The following MEGF8 variants were observed in gnomAD, a reference collection of about 807,000 sequenced individuals.
MEGF8 encodes multiple epidermal growth factor-like domains protein 8.
MEGF8 carries 156 observed loss-of-function variants against 302.9 expected under a neutral mutation model. The ratio of observed to expected loss-of-function variants is 0.52; its 90% confidence interval spans 0.45 to 0.59. The LOEUF (loss-of-function observed/expected upper bound fraction) is 0.59, where lower values mean the gene tolerates loss of function less well. Among genes scored for constraint, MEGF8 ranks in the 20% least tolerant of loss-of-function variants. MEGF8 has a pLI of 0.00. For synonymous variants in MEGF8, 1,621 were observed against 1,660.5 expected (o/e 0.98, Z 0.58); for missense variants, 3,345 against 3,964.5 (o/e 0.84, Z 4.20).
Position 42,363,122 on chromosome 19 carries a change from TCC to T in MEGF8, c.6137_6138del (p.Pro2046HisfsTer28). 6.2e-7 allele frequency: 1 copy of T among 1,613,130 alleles called. No homozygotes were observed. The highest frequency in any genetic ancestry group is 1.1e-5 in the South Asian group (1 of 90,944). On this transcript the variant is annotated frameshift_variant, in exon 35 of 42. Coordinates refer to ENST00000251268, the MANE Select transcript of MEGF8 (RefSeq NM_001271938.2). LOFTEE classifies it high-confidence loss of function. Reference sequence around the variant, plus strand: ...CTTCAGCCACTCTCTGCTGAATGTGTCCCCCATGCCGGTGGAATCATCACCCC... The same window carrying T: ...CTTCAGCCACTCTCTGCTGAATGTGTCCCATGCCGGTGGAATCATCACCCC... ...TCFSHSLLNV[S>X]PMPVESSPPL...
Position 42,348,403 on chromosome 19 carries a change from C to T in MEGF8, c.2229C>T (p.Ala743=), listed in dbSNP as rs758843393. 26 of 1,536,804 alleles carry T rather than the reference C, an allele frequency of 1.7e-5. No individual in the cohort carries two copies. In the East Asian group the frequency reaches 1.7e-4, roughly 10 times the overall value. The change falls in exon 13 of 42, where the codon GCC becomes GCT. Residue 743 remains alanine, a synonymous_variant. Transcript: ENST00000251268. ...GPGGPGAEDV[A]VWTRAQRLHV... The stretch of plus-strand genomic sequence containing the variant: ...GTGGACCAGGGGCTGAGGACGTGGC[C>T]GTGTGGACGCGGGCCCAGCGCCTAC...
Position 42,354,709 on chromosome 19 carries a change from A to C in MEGF8, c.4133A>C (p.Gln1378Pro). The C allele has an allele frequency of 6.2e-7, 1 of 1,605,550 alleles. No homozygotes were observed. The highest frequency in any genetic ancestry group is 1.1e-5 in the South Asian group (1 of 90,980). Reference protein sequence around the residue: ...GQRRDRPLTVQALSGLLVLHW... With the variant: ...GQRRDRPLTVPALSGLLVLHW... ...CGACGGGACAGGCCCCTCACTGTTC[A>C]GGCCCTGTCTGGTACGGGGGCTAGG... Residue 1378 changes from glutamine to proline, a missense_variant, in exon 23 of 42, where the codon CAG becomes CCG. Physicochemically the swap from Gln to Pro is moderately conservative, Grantham distance 76. Transcript: ENST00000251268. The surrounding 1 kb of genome is among the most constrained non-coding windows in gnomAD (Gnocchi z 4.3).
intron 12 of MEGF8, among the ~76,000 whole-genome samples, chr19:42,346,411 G>A (rs983386302): frequency 1.2e-4 from 18 of 151,994 alleles, no homozygotes; most frequent in African/African-American, 3.1e-4. Flanking sequence ...GCGTGATGTC[G>A]GGTGCCTGTA....
At chr19:42,350,617 G>A (rs910922397) in intron 15 of MEGF8, among the ~76,000 whole-genome samples, 1 of 152,144 alleles carries the variant, frequency 6.6e-6, no homozygotes, top group Non-Finnish European at 1.5e-5. Flanking sequence ...TTCCACTAGC[G>A]GGGAGTTTCT....
At chr19:42,334,992 C>G in intron 3 of MEGF8, 43 bp from the exon 4 acceptor site, 1 of 1,562,648 alleles carries the variant, frequency 6.4e-7, no homozygotes, top group Non-Finnish European at 8.6e-7. Flanking sequence ...CTGTCCTTGT[C>G]TCTCCCTCTC....
chr19:42,358,815 C>T lies in MEGF8; in HGVS notation c.5204C>T (p.Ser1735Leu), dbSNP rs2147489921. Residue 1735 changes from serine to leucine, a missense_variant, in exon 30 of 42, where the codon TCA (serine) becomes TTA (leucine). Physicochemically the swap from Ser to Leu is moderately radical, Grantham distance 145. Coordinates refer to ENST00000251268, the MANE Select transcript of MEGF8 (RefSeq NM_001271938.2). The surrounding 1 kb of genome is among the most constrained non-coding windows in gnomAD (Gnocchi z 4.4). Reference sequence around the variant, plus strand: ...GATCGTATGAGGAATGTGCGTGGCTCATCTCGGGGTCTGGGCCAAGTTCCT... The same window carrying T: ...GATCGTATGAGGAATGTGCGTGGCTTATCTCGGGGTCTGGGCCAAGTTCCT... ...KRDRMRNVRGSSRGLGQVPGE... is the reference protein window; with the variant it reads ...KRDRMRNVRGLSRGLGQVPGE... The T allele has an allele frequency of 1.3e-6, 2 of 1,587,432 alleles. No individual in the cohort carries two copies. The highest frequency in any genetic ancestry group is 1.3e-5 in the African/African-American group (1 of 74,126).
chr19:42,366,249 G>T (rs1251669753), intron 35 of MEGF8, among the ~76,000 whole-genome samples: 4 of 152,140 alleles, frequency 2.6e-5, no homozygotes, highest in African/African-American at 9.7e-5. Context: ...CGCCCAGGCT[G>T]TAGTGCAGTG....
intron 8 of MEGF8, among the ~76,000 whole-genome samples, chr19:42,338,459 C>G (rs1479517380): frequency 6.6e-6 from 1 of 152,184 alleles, no homozygotes; most frequent in Non-Finnish European, 1.5e-5. Flanking sequence ...CAAGGCTGGT[C>G]TGGAACTCCT....
intron 14 of MEGF8, 119 bp from the exon 15 acceptor site, chr19:42,350,029 C>T: frequency 1.3e-6 from 1 of 792,750 alleles, no homozygotes; most frequent in South Asian, 1.7e-5. Flanking sequence ...TTCCTAAATC[C>T]TGACTTCCTA....
rs2039130820 is a variant in MEGF8 at position 42,336,517 on chromosome 19, C to T, written c.1244+171C>T. Among the ~76,000 whole-genome samples, 1 of 152,258 alleles carries T rather than the reference C, an allele frequency of 6.6e-6. No individual in the cohort carries two copies. Among genetic ancestry groups the T allele is most frequent in the Admixed American group, 6.5e-5 (1 of 15,290 alleles). On this transcript the variant is annotated intron_variant, in intron 6 of 41. Transcript: ENST00000251268. The surrounding 1 kb of genome is among the most constrained non-coding windows in gnomAD (Gnocchi z 4.8). ...GTTCACTCATTCATTCATTCACCCA[C>T]TCACACATTCTCTGATGTTTTATTC... is the stretch of plus-strand genomic sequence containing the variant.
intron 8 of MEGF8, among the ~76,000 whole-genome samples, chr19:42,338,987 C>G (rs1037499611): frequency 8.6e-5 from 13 of 151,404 alleles, no homozygotes; most frequent in Admixed American, 6.6e-5. Context: ...GCGCCTACCA[C>G]CACAGCCGGC....
chr19:42,353,638 T>C lies in MEGF8; in HGVS notation c.3724T>C (p.Cys1242Arg), dbSNP rs1415158424. 1 of 1,580,564 alleles carries C rather than the reference T, an allele frequency of 6.3e-7. No homozygotes were observed. The highest frequency in any genetic ancestry group is 1.8e-5 in the Admixed American group (1 of 55,800). Residue 1242 changes from cysteine to arginine, a missense_variant, in exon 21 of 42, where the codon TGC becomes CGC. Cys to Arg is a radical substitution (Grantham distance 180). Coordinates refer to ENST00000251268, the MANE Select transcript of MEGF8 (RefSeq NM_001271938.2). This position sits in a 1 kb window ranked among gnomAD's most constrained non-coding sequence, Gnocchi z 6.1. The stretch of plus-strand genomic sequence containing the variant: ...CCAGGACCACACCGAGGGTGCCCAC[T>C]GCCAGCTCTGCTCCCCAGGCTATTA... ...FCQDHTEGAH[C>R]QLCSPGYYGD...
In MEGF8 at chr19:42,333,676, T is replaced by G; in HGVS notation, c.259T>G (p.Phe87Val). 1 of 1,613,986 alleles carries G rather than the reference T, an allele frequency of 6.2e-7. No individual in the cohort carries two copies. The highest frequency in any genetic ancestry group is 8.5e-7 in the Non-Finnish European group (1 of 1,179,896). ...CACAGAGTGCACGTATGACTACCTG[T>G]TCGTGTATGACGGTGACTCCCCGCG... ...LDTECTYDYL[F>V]VYDGDSPRGP... The change falls in exon 2 of 42, where the codon TTC (phenylalanine) becomes GTC (valine). Residue 87 changes from phenylalanine to valine, a missense_variant. Phe to Val is a conservative substitution (Grantham distance 50, BLOSUM62 -1). Coordinates refer to ENST00000251268, the MANE Select transcript of MEGF8 (RefSeq NM_001271938.2).
intron 40 of MEGF8, 21 bp downstream of exon 40, chr19:42,370,852 G>GAT (rs1568577115): frequency 5.0e-6 from 1 of 198,816 alleles, no homozygotes; most frequent in African/African-American, 4.9e-5. Context: ...CCGGGGGGGG[G>GAT]GGGGGGGGGG....
intron 12 of MEGF8, among the ~76,000 whole-genome samples, chr19:42,347,512 G>C (rs1220982169): frequency 6.6e-6 from 1 of 151,312 alleles, no homozygotes; most frequent in Non-Finnish European, 1.5e-5. Context: ...TTTGTTTTGA[G>C]ACGGAGTTTT....
rs1290402818 is a variant in MEGF8, at chr19:42,340,975, A to G, written c.1514-2502A>G. ...GAGCCACCACGCCCGGCCTATTGTTACTATTTTAGAGGCAGAGTCTTGTTC... is the reference window on the plus strand; with the variant it reads ...GAGCCACCACGCCCGGCCTATTGTTGCTATTTTAGAGGCAGAGTCTTGTTC... On this transcript the variant is annotated intron_variant, in intron 8 of 41. Transcript: ENST00000251268. Among the ~76,000 whole-genome samples the G allele has an allele frequency of 2.0e-5, 3 of 152,022 alleles. No homozygotes were observed. The East Asian group carries it at 5.8e-4, about 29-fold the overall frequency.
rs777642371 is a variant in MEGF8 at position 42,336,306 on chromosome 19, G to T, written c.1204G>T (p.Ala402Ser). The change falls in exon 6 of 42, where the codon GCC becomes TCC. Residue 402 changes from alanine (A) to serine (S), a missense_variant. Ala to Ser is a moderately conservative substitution (Grantham distance 99, BLOSUM62 1). Coordinates refer to ENST00000251268, the MANE Select transcript of MEGF8 (RefSeq NM_001271938.2). This position sits in a 1 kb window ranked among gnomAD's most constrained non-coding sequence, Gnocchi z 4.8. Reference sequence around the variant, plus strand: ...CATGGTGTTCCATGCCCCCTCCCGTGCCCTGCTGGTCCATGGTGGACACCG... The same window carrying T: ...CATGGTGTTCCATGCCCCCTCCCGTTCCCTGCTGGTCCATGGTGGACACCG... ...HSMVFHAPSR[A>S]LLVHGGHRPS... 1 of 1,607,042 alleles carries T rather than the reference G, an allele frequency of 6.2e-7. No individual in the cohort carries two copies.
At position 42,352,893 on chromosome 19, in the gene MEGF8, C is replaced by T; in HGVS notation, c.3351-35C>T. On this transcript the variant is annotated intron_variant, in intron 19 of 41. Transcript: ENST00000251268. This position sits in a 1 kb window ranked among gnomAD's most constrained non-coding sequence, Gnocchi z 4.4. ...GGTGCTTTAGGGGCTCTGGGCCTGC[C>T]TGGCGCTTTCCCCACCCCCAACACG... 1 of 1,498,476 alleles carries T rather than the reference C, an allele frequency of 6.7e-7. No homozygotes were observed. Among genetic ancestry groups the T allele is most frequent in the Non-Finnish European group, 9.1e-7 (1 of 1,098,122 alleles). The allele number at this position is 1,498,476 out of a possible 1,614,324, so 92.8% of individuals were successfully genotyped here. A position where few individuals can be genotyped will look rare whatever the true frequency, so the allele number is the denominator to read the frequency against.
intron 41 of MEGF8, among the ~76,000 whole-genome samples, chr19:42,373,389 C>G (rs140735733): frequency 0.019 from 2,954 of 151,912 alleles, 42 homozygotes; most frequent in Non-Finnish European, 0.03. Flanking sequence ...CCACCCCCGG[C>G]CGGTTCTTTT....
Sources: allele counts gnomAD v4.1 joint callset (sites outside exome capture counted in the v4.1 genomes callset), GRCh38; gene constraint gnomAD v4.1.1; non-coding constraint Gnocchi (gnomAD v3.1); transcripts MANE v1.5; gene names NCBI Gene and HGNC (gene_info 2026-07-23, HGNC 2026-07-21).